ACOT11: variants seen among roughly 807,000 people sequenced by gnomAD.
ACOT11 encodes acyl-CoA thioesterase 11.
ACOT11 carries 69 observed loss-of-function variants against 77.5 expected under a neutral mutation model. The observed-to-expected ratio is 0.89, with a 90% CI of 0.73 to 1.09. ACOT11 has a LOEUF of 1.09. Ranked by LOEUF, ACOT11 falls within the 50% of genes least tolerant of loss-of-function variation. The pLI is 0.00. For missense variants in ACOT11, 766 were observed against 813.7 expected, an observed-to-expected ratio of 0.94 and a Z score of 0.71; for synonymous variants, 279 against 313.0, an observed-to-expected ratio of 0.89 and a Z score of 1.15.
In ACOT11 at chr1:54,601,427, G is replaced by A. The variant is rs760833822; in HGVS notation, c.1029+14G>A. On this transcript the variant is annotated intron_variant, in intron 9 of 15. Coordinates refer to ENST00000343744, the MANE Select transcript of ACOT11 (RefSeq NM_147161.4). ...CCCCAGCCCGGCGTAAGTGGGACCA[G>A]CGCCCTGCCCCACCAGCAGCTCCCC... 6.2e-7 allele frequency: 1 copy of A among 1,608,642 alleles called. No individual in the cohort carries two copies. Among genetic ancestry groups the A allele is most frequent in the Non-Finnish European group, 8.5e-7 (1 of 1,178,920 alleles).
intron 15 of ACOT11, among the ~76,000 whole-genome samples, chr1:54,629,769 A>G (rs1339824388): frequency 7.5e-6 from 1 of 133,458 alleles, no homozygotes; most frequent in Non-Finnish European, 1.7e-5. Context: ...GTGTGTGGAG[A>G]TAGGGTGTCA....
At chr1:54,557,416 A>G (rs1353765346) in intron 1 of ACOT11, among the ~76,000 whole-genome samples, 1 of 151,642 alleles carries the variant, frequency 6.6e-6, no homozygotes, top group African/African-American at 2.4e-5. Flanking sequence ...AAAAGAAAAA[A>G]ATTAAATTAT....
chr1:54,608,051 G>A lies in ACOT11; in HGVS notation c.1612G>A (p.Gly538Arg). The stretch of plus-strand genomic sequence containing the variant: ...CTCAGGCTTCTGCCTCTGGCGCGAG[G>A]GGGACCAGCTGACCAAGGTGAGGCC... ...LCSGFCLWRE[G>R]DQLTKVSYYN... is the part of the protein sequence containing the mutation. Residue 538 changes from glycine (G) to arginine (R), a missense_variant, in exon 15 of 16, where the codon GGG becomes AGG. Transcript: ENST00000343744. 1 of 1,611,372 alleles carries A rather than the reference G, an allele frequency of 6.2e-7. No individual in the cohort carries two copies. Among genetic ancestry groups the A allele is most frequent in the Non-Finnish European group, 8.5e-7 (1 of 1,179,046 alleles).
chr1:54,591,132 A>G (rs568652138), intron 3 of ACOT11, among the ~76,000 whole-genome samples: 7 of 152,238 alleles, frequency 4.6e-5, no homozygotes, highest in South Asian at 2.1e-4. Flanking sequence ...GTCAGCATGA[A>G]TCTCCTAAAA....
At position 54,616,158 on chromosome 1, in the gene ACOT11, G is replaced by A. The variant is rs889764954; in HGVS notation, c.1629+8090G>A. ...CCTTCTACATTGACGTCAGCCTCCAGGACTGTGATGTTGCCTGTGGAAGGG... is the reference window on the plus strand; with the variant it reads ...CCTTCTACATTGACGTCAGCCTCCAAGACTGTGATGTTGCCTGTGGAAGGG... On this transcript the variant is annotated intron_variant, in intron 15 of 16. Transcript: ENST00000371316. The A allele has an allele frequency of 5.6e-6, 9 of 1,613,932 alleles. No homozygotes were observed. The African/African-American group carries it at 9.3e-5, about 17-fold the overall frequency.
At chr1:54,562,582 C>T (rs1274980322) in intron 1 of ACOT11, among the ~76,000 whole-genome samples, 11 of 146,146 alleles carry the variant, frequency 7.5e-5, no homozygotes, top group Non-Finnish European at 1.1e-4. Flanking sequence ...GGGTGGCTGC[C>T]GGGCGGAGAG....
chr1:54,602,727 G>A lies in ACOT11; in HGVS notation c.1085+3G>A. On this transcript the variant is annotated splice_donor_region_variant and intron_variant, in intron 10 of 15. Transcript: ENST00000343744. The stretch of plus-strand genomic sequence containing the variant: ...AGAAAGAAGATCCGCCTGGACAGGT[G>A]AGTAGGGGCTGAGTGGTGGGCAGAA... The A allele has an allele frequency of 6.5e-7, 1 of 1,545,632 alleles. No homozygotes were observed. Among genetic ancestry groups the A allele is most frequent in the Non-Finnish European group, 8.7e-7 (1 of 1,146,526 alleles).
intron 15 of ACOT11, among the ~76,000 whole-genome samples, chr1:54,615,406 AAG>A (rs1218223170): frequency 3.9e-5 from 6 of 152,300 alleles, no homozygotes; most frequent in Non-Finnish European, 8.8e-5. Context: ...GGAGGGTTAA[AAG>A]AGAGGCGTGG....
chr1:54,603,989 C>G, intron 11 of ACOT11, 52 bp downstream of exon 11: 1 of 1,547,830 alleles, frequency 6.5e-7, no homozygotes, highest in Non-Finnish European at 8.9e-7. Flanking sequence ...GGGCCCCCAC[C>G]CTTCCCTGCT....
rs1278514660 is a variant in ACOT11, at chr1:54,608,048, G to A, written c.1609G>A (p.Glu537Lys). 5 of 1,611,970 alleles carry A rather than the reference G, an allele frequency of 3.1e-6. No homozygotes were observed. In the Admixed American group the frequency reaches 5.0e-5, roughly 16 times the overall value. ...TLCSGFCLWREGDQLTKVSYY... is the reference protein window; with the variant it reads ...TLCSGFCLWRKGDQLTKVSYY... ...CTGCTCAGGCTTCTGCCTCTGGCGC[G>A]AGGGGGACCAGCTGACCAAGGTGAG... The change falls in exon 15 of 16, where the codon GAG becomes AAG. Residue 537 changes from glutamate to lysine, a missense_variant. Glu to Lys is a moderately conservative substitution (Grantham distance 56). Coordinates refer to ENST00000343744, the MANE Select transcript of ACOT11 (RefSeq NM_147161.4).
chr1:54,558,991 G>A (rs1653366624), intron 1 of ACOT11, among the ~76,000 whole-genome samples: 1 of 152,142 alleles, frequency 6.6e-6, no homozygotes, highest in Non-Finnish European at 1.5e-5. Context: ...GAAGGTCTCA[G>A]CTGCCTCCCC....
chr1:54,549,133 C>G (rs995887094), intron 1 of ACOT11, among the ~76,000 whole-genome samples: 1 of 152,164 alleles, frequency 6.6e-6, no homozygotes, highest in Admixed American at 6.5e-5. Context: ...CACAACTCAG[C>G]ATCCTCACCG....
In ACOT11 at chr1:54,599,671, G is replaced by A. The variant is rs2304302; in HGVS notation, c.884+256G>A. ...TGGGATCCCCCAGCCCCTGTCTCCC[G>A]CTGTCTCAGATCAGTGTCTCTGTCT... On this transcript the variant is annotated intron_variant, in intron 8 of 15. Transcript: ENST00000343744. 3.4e-4 allele frequency: 83 copies of A among 245,114 alleles called. No individual in the cohort carries two copies. In the East Asian group the frequency reaches 4.4e-3, roughly 13 times the overall value. 15.2% of individuals were successfully genotyped at this position (245,114 alleles called of 1,614,324 possible). A position where few individuals can be genotyped will look rare whatever the true frequency, so the allele number is the denominator to read the frequency against.
At chr1:54,612,673 T>A, downstream of ACOT11, 1 of 1,613,782 alleles carries the variant, frequency 6.2e-7, no homozygotes, top group Non-Finnish European at 8.5e-7. Context: ...GGAGATAGGG[T>A]AGCCTTGGGA....
At chr1:54,601,841 C>A (rs946920797) in intron 9 of ACOT11, among the ~76,000 whole-genome samples, 1 of 152,248 alleles carries the variant, frequency 6.6e-6, no homozygotes, top group African/African-American at 2.4e-5. Flanking sequence ...GTACTGACTC[C>A]ATGCCTGGCT....
chr1:54,590,382 T>C (rs1654665898), intron 3 of ACOT11, among the ~76,000 whole-genome samples: 2 of 152,042 alleles, frequency 1.3e-5, no homozygotes. Context: ...GTCCGGGAGC[T>C]CCGGGGCCCT....
intron 1 of ACOT11, among the ~76,000 whole-genome samples, chr1:54,558,764 C>T (rs1056375649): frequency 6.6e-6 from 1 of 152,176 alleles, no homozygotes; most frequent in Non-Finnish European, 1.5e-5. Flanking sequence ...TGAGGGCAGG[C>T]TTCCAGGACC....
At chr1:54,592,259 AG>A (rs1419881160) in intron 3 of ACOT11, among the ~76,000 whole-genome samples, 1 of 152,272 alleles carries the variant, frequency 6.6e-6, no homozygotes, top group African/African-American at 2.4e-5. Context: ...GAGAGCAAAA[AG>A]AAGCACAGGC....
At chr1:54,605,730 T>C (rs17110794) in intron 13 of ACOT11, among the ~76,000 whole-genome samples, 5,355 of 152,302 alleles carry the variant, frequency 0.035, 317 homozygotes, top group African/African-American at 0.12. Context: ...TGAATGATTA[T>C]GAATAGAAAT....
Sources: gnomAD v4.1 joint callset for allele counts (sites outside exome capture counted in the v4.1 genomes callset) on GRCh38, gnomAD v4.1.1 for gene constraint, MANE v1.5 for transcripts, NCBI Gene and HGNC (gene_info 2026-07-23, HGNC 2026-07-21) for gene names.